Variants in TACC1 observed in about 807,000 individuals in gnomAD.
TACC1 encodes transforming acidic coiled-coil containing protein 1, also known as transforming acidic coiled-coil-containing protein 1.
TACC1 carries 48 observed loss-of-function variants against 84.4 expected under a neutral mutation model. The observed-to-expected ratio is 0.57, with a 90% CI of 0.45 to 0.72. The LOEUF (loss-of-function observed/expected upper bound fraction) is 0.72. TACC1 is among the 30% of genes least tolerant of loss of function. TACC1 has a pLI of 0.00. For synonymous variants in TACC1, 372 were observed against 376.3 expected (o/e 0.99, Z 0.13); for missense variants, 920 against 973.0 (o/e 0.95, Z 0.72).
intron 8 of TACC1, among the ~76,000 whole-genome samples, chr8:38,838,757 G>T (rs1475972304): frequency 6.6e-6 from 1 of 152,058 alleles, no homozygotes. Flanking sequence ...TTTATCTTGG[G>T]TTGTTCAGAA....
At chr8:38,826,447 T>A (rs866822180) in intron 4 of TACC1, among the ~76,000 whole-genome samples, 4 of 152,340 alleles carry the variant, frequency 2.6e-5, no homozygotes, top group South Asian at 2.1e-4. Context: ...ATAATACTTA[T>A]CAAAACTTGC....
At chr8:38,792,575 T>C (rs1358838175) in intron 2 of TACC1, among the ~76,000 whole-genome samples, 3 of 152,096 alleles carry the variant, frequency 2.0e-5, no homozygotes, top group African/African-American at 7.2e-5. Flanking sequence ...ACGCCATTCT[T>C]CTGCCTCAGC....
exon 3 of TACC1, chr8:38,745,351 C>A: frequency 1.8e-6 from 1 of 555,632 alleles, no homozygotes; most frequent in Non-Finnish European, 3.2e-6. Flanking sequence ...AATCTGGAAT[C>A]TTCACAACCT....
intron 2 of TACC1, among the ~76,000 whole-genome samples, chr8:38,743,484 A>G (rs1807480094): frequency 6.6e-6 from 1 of 152,118 alleles, no homozygotes; most frequent in Admixed American, 6.6e-5. Flanking sequence ...AGGCCTGGGC[A>G]GTGTTAGGGT....
intron 3 of TACC1, chr8:38,757,282 C>T (rs1226378713): frequency 8.1e-7 from 1 of 1,240,434 alleles, no homozygotes; most frequent in South Asian, 1.3e-5. Context: ...TGGGCACAGC[C>T]GCCCGCCGCC....
intron 3 of TACC1, among the ~76,000 whole-genome samples, chr8:38,774,245 G>A (rs1563386937): frequency 6.6e-6 from 1 of 152,064 alleles, no homozygotes. Flanking sequence ...CATTCTCAGA[G>A]CCCCCTGCAG....
chr8:38,773,415 T>C (rs1050125075), intron 3 of TACC1, among the ~76,000 whole-genome samples: 2 of 148,298 alleles, frequency 1.3e-5, no homozygotes, highest in African/African-American at 4.9e-5. Flanking sequence ...ATTTTTATAT[T>C]TAAATATTAA....
At chr8:38,758,919 C>G (rs1810678357) in intron 3 of TACC1, among the ~76,000 whole-genome samples, 1 of 152,084 alleles carries the variant, frequency 6.6e-6, no homozygotes. Flanking sequence ...CGCCTCCCAC[C>G]CAAGAGTTGG....
At chr8:38,779,011 G>A (rs182818619) in intron 3 of TACC1, among the ~76,000 whole-genome samples, 54 of 145,838 alleles carry the variant, frequency 3.7e-4, no homozygotes, top group African/African-American at 1.2e-3. Flanking sequence ...ACAAGGTCTC[G>A]CTCTGTCACC....
rs557463286 is a variant in TACC1, at chr8:38,739,826, T to G, written c.-674-2525T>G. ...GGAGGAGAAGGACAGAAAGCAGGAC[T>G]GGATAATAGAGCCTTCAGGCTGTGA... On this transcript the variant is annotated intron_variant, in intron 1 of 14. Coordinates refer to the TACC1 transcript ENST00000518415. 4.6e-5 allele frequency among the ~76,000 whole-genome samples: 7 copies of G among 152,316 alleles called. No individual in the cohort carries two copies. In the South Asian group the frequency reaches 1.2e-3, roughly 27 times the overall value.
At chr8:38,828,567 C>T (rs1268328162) in intron 5 of TACC1, among the ~76,000 whole-genome samples, 3 of 152,054 alleles carry the variant, frequency 2.0e-5, no homozygotes, top group African/African-American at 7.2e-5. Flanking sequence ...CCTGTTTGTT[C>T]CAATTCCTCT....
chr8:38,777,246 A>C (rs1814989133), intron 3 of TACC1, among the ~76,000 whole-genome samples: 1 of 144,092 alleles, frequency 6.9e-6, no homozygotes, highest in African/African-American at 2.5e-5. Flanking sequence ...ACAGAGTGAG[A>C]CTCCATCTCA....
At chr8:38,778,714 C>T (rs1815337976) in intron 3 of TACC1, among the ~76,000 whole-genome samples, 1 of 152,180 alleles carries the variant, frequency 6.6e-6, no homozygotes, top group Non-Finnish European at 1.5e-5. Context: ...CCTTGGCAAC[C>T]TGTTTGATGC....
At chr8:38,813,821 T>C (rs1169091306) in intron 2 of TACC1, among the ~76,000 whole-genome samples, 1 of 152,218 alleles carries the variant, frequency 6.6e-6, no homozygotes, top group Non-Finnish European at 1.5e-5. Context: ...GAGTTCTCTG[T>C]GCACTTTAGT....
intron 2 of TACC1, among the ~76,000 whole-genome samples, chr8:38,808,627 T>C (rs2152114126): frequency 6.6e-6 from 1 of 152,304 alleles, no homozygotes; most frequent in African/African-American, 2.4e-5. Context: ...GTTTCCCAGG[T>C]TGATCTTGAA....
intron 12 of TACC1, 22 bp downstream of exon 12, chr8:38,846,841 G>T (rs753948740): frequency 6.2e-7 from 1 of 1,612,524 alleles, no homozygotes; most frequent in South Asian, 1.1e-5. Context: ...GACCTGATCT[G>T]GGTGGCCACA....
chr8:38,730,658 CT>C (rs1213142519), intron 1 of TACC1, among the ~76,000 whole-genome samples: 2 of 152,226 alleles, frequency 1.3e-5, no homozygotes, highest in Non-Finnish European at 2.9e-5. Context: ...CCCCCTCCCC[CT>C]GAGTCTGAGC....
chr8:38,815,365 C>T (rs1042904188), intron 2 of TACC1, among the ~76,000 whole-genome samples: 2 of 152,116 alleles, frequency 1.3e-5, no homozygotes, highest in Admixed American at 6.5e-5. Context: ...GGCAGTGGAA[C>T]CTTTTCCTCA....
At chr8:38,781,937 T>TTTTA (rs201872394) in intron 3 of TACC1, among the ~76,000 whole-genome samples, 9 of 151,230 alleles carry the variant, frequency 6.0e-5, no homozygotes, top group African/African-American at 1.7e-4. Flanking sequence ...TTTATTTTAA[T>TTTTA]TTTATTTATT....
Sources: allele counts gnomAD v4.1 joint callset (sites outside exome capture counted in the v4.1 genomes callset), GRCh38; gene constraint gnomAD v4.1.1; transcripts MANE v1.5; gene names NCBI Gene and HGNC (gene_info 2026-07-23, HGNC 2026-07-21).